The following JAK2 variants were observed in gnomAD, a reference collection of about 807,000 sequenced individuals.
JAK2 encodes the protein Janus kinase 2, also known as tyrosine-protein kinase JAK2.
JAK2 carries 86 observed loss-of-function variants against 139.3 expected under a neutral mutation model. The ratio of observed to expected loss-of-function variants is 0.62; its 90% CI spans 0.52 to 0.74. JAK2 has a LOEUF of 0.74. Among genes scored for constraint, JAK2 ranks in the 30% least tolerant of loss-of-function variants. JAK2 has a pLI of 0.00. For synonymous variants in JAK2, 490 were observed against 437.7 expected (o/e 1.12, Z -1.49); for missense variants, 1,421 against 1,360.3 (o/e 1.04, Z -0.70).
At chr9:5,111,814 G>A (rs1253953017) in intron 22 of JAK2, 2 of 420,774 alleles carry the variant, frequency 4.8e-6, no homozygotes, top group South Asian at 1.8e-5. Context: ...CCACGTAGGC[G>A]GCGTCTCCAG....
intron 10 of JAK2, 88 bp downstream of exon 10, chr9:5,066,877 T>C (rs1368838526): frequency 1.9e-6 from 1 of 515,208 alleles, no homozygotes; most frequent in Non-Finnish European, 3.2e-6. Context: ...TCCTTTTTAA[T>C]ACTGAGAATT....
At chr9:5,057,693 C>T (rs1387658619) in intron 8 of JAK2, among the ~76,000 whole-genome samples, 1 of 151,056 alleles carries the variant, frequency 6.6e-6, no homozygotes, top group Non-Finnish European at 1.5e-5. Context: ...AGCAATTTTC[C>T]TGCCTCAGCC....
intron 8 of JAK2, 59 bp from the exon 9 acceptor site, chr9:5,064,824 T>A (rs1432609771): frequency 2.1e-5 from 28 of 1,305,294 alleles, no homozygotes; most frequent in Non-Finnish European, 6.2e-6. Context: ...AAATTTTCAA[T>A]ATTTAACATG....
intron 2 of JAK2, among the ~76,000 whole-genome samples, chr9:4,995,608 C>G (rs1820514545): frequency 6.6e-6 from 1 of 152,184 alleles, no homozygotes; most frequent in Admixed American, 6.5e-5. Flanking sequence ...AATGGCTCCT[C>G]TGAAACCATA....
chr9:5,099,170 C>G (rs919033057), intron 22 of JAK2: 1 of 152,194 alleles, frequency 6.6e-6, no homozygotes, highest in African/African-American at 2.4e-5. Flanking sequence ...AAAACAGATG[C>G]AATCCCCAGA....
At chr9:5,089,101 C>T (rs1027125486) in intron 19 of JAK2, among the ~76,000 whole-genome samples, 1 of 152,232 alleles carries the variant, frequency 6.6e-6, no homozygotes, top group African/African-American at 2.4e-5. Context: ...AATTAATGCT[C>T]ATCATTTATT....
At chr9:5,083,385 G>C (rs548273859) in intron 19 of JAK2, among the ~76,000 whole-genome samples, 3 of 152,248 alleles carry the variant, frequency 2.0e-5, no homozygotes, top group Admixed American at 6.5e-5. Context: ...AAGCTTGCTA[G>C]GATAAGGTTC....
At chr9:4,992,858 C>G (rs1257921366) in intron 2 of JAK2, among the ~76,000 whole-genome samples, 1 of 152,158 alleles carries the variant, frequency 6.6e-6, no homozygotes, top group Non-Finnish European at 1.5e-5. Context: ...CACATGTTGC[C>G]AGTTCCTTGA....
chr9:5,022,050 G>C lies in JAK2; in HGVS notation c.63G>C (p.Gln21His), dbSNP rs1319914611. The C allele has an allele frequency of 2.5e-6, 4 of 1,613,936 alleles. No individual in the cohort carries two copies. The highest frequency in any genetic ancestry group is 2.2e-5 in the East Asian group (1 of 44,898). The change falls in exon 3 of 25, where the codon CAG becomes CAC. Residue 21 changes from glutamine (Q) to histidine (H), a missense_variant. Physicochemically the swap from Gln to His is conservative, Grantham distance 24. Coordinates refer to ENST00000381652, the MANE Select transcript of JAK2 (RefSeq NM_004972.4). ...MEGTSTSSIY[Q>H]NGDISGNANS... ...GAACATCCACCTCTTCTATATATCA[G>C]AATGGTGATATTTCTGGAAATGCCA...
chr9:5,019,104 A>T (rs537097479), intron 2 of JAK2, among the ~76,000 whole-genome samples: 21 of 152,276 alleles, frequency 1.4e-4, no homozygotes, highest in South Asian at 1.0e-3. Context: ...ATCTCTTGAT[A>T]TACTTGGGTA....
At chr9:5,112,383 G>A (rs767389784) in intron 22 of JAK2, 2 of 425,684 alleles carry the variant, frequency 4.7e-6, no homozygotes, top group Admixed American at 3.2e-5. Flanking sequence ...GGCCACTGGG[G>A]AAATCAAGCG....
rs776119029 is a variant in JAK2 at position 5,105,060 on chromosome 9, G to GCAAT, written c.3059+14152_3059+14155dup. Among the ~76,000 whole-genome samples the GCAAT allele has an allele frequency of 2.0e-4, 31 of 152,290 alleles. 1 individual carries two copies. The East Asian group carries it at 3.9e-3, about 19-fold the overall frequency. Reference sequence around the variant, plus strand: ...CACTGTGTTAGAAGTTCTGGCCAGGGCAATCAGGCAAGAGAAAGAAATAAA... The same window carrying GCAAT: ...CACTGTGTTAGAAGTTCTGGCCAGGGCAATCAATCAGGCAAGAGAAAGAAATAAA... On this transcript the variant is annotated intron_variant, in intron 22 of 24. Transcript: ENST00000381652.
chr9:5,023,592 T>C (rs537698055), intron 3 of JAK2, among the ~76,000 whole-genome samples: 12 of 152,326 alleles, frequency 7.9e-5, no homozygotes, highest in South Asian at 2.1e-4. Context: ...ATGTGGACCA[T>C]TGGGCATCTC....
chr9:5,051,216 ATTAT>A (rs1056897237), intron 6 of JAK2, among the ~76,000 whole-genome samples: 15 of 152,318 alleles, frequency 9.8e-5, no homozygotes, highest in African/African-American at 3.6e-4. Context: ...GTAAGGTGAA[ATTAT>A]TTAAAGAGTT....
chr9:5,045,452 G>A (rs1326513228), intron 5 of JAK2, among the ~76,000 whole-genome samples: 1 of 152,126 alleles, frequency 6.6e-6, no homozygotes, highest in Non-Finnish European at 1.5e-5. Flanking sequence ...CATTTTAAGT[G>A]TACAGTTCAG....
chr9:5,039,572 C>T (rs1384742131), intron 4 of JAK2, among the ~76,000 whole-genome samples: 1 of 152,056 alleles, frequency 6.6e-6, no homozygotes, highest in Non-Finnish European at 1.5e-5. Context: ...ATTACATGAT[C>T]TTGCATATTA....
At chr9:5,112,551 C>G in intron 22 of JAK2, 1 of 609,548 alleles carries the variant, frequency 1.6e-6, no homozygotes, top group Non-Finnish European at 2.9e-6. Flanking sequence ...AGCAGGTGGC[C>G]AATAACGCCA....
intron 12 of JAK2, among the ~76,000 whole-genome samples, chr9:5,070,471 G>A (rs1818883253): frequency 6.6e-6 from 1 of 152,106 alleles, no homozygotes; most frequent in East Asian, 1.9e-4. Flanking sequence ...ACCAAAATCT[G>A]AGGATACTTA....
intron 2 of JAK2, among the ~76,000 whole-genome samples, chr9:5,017,596 C>T (rs991797902): frequency 1.2e-4 from 18 of 151,940 alleles, no homozygotes; most frequent in Admixed American, 3.3e-4. Context: ...ATCTTTCTTC[C>T]TTTTTGATGT....
Sources: allele counts gnomAD v4.1 joint callset (sites outside exome capture counted in the v4.1 genomes callset), GRCh38; gene constraint gnomAD v4.1.1; transcripts MANE v1.5; gene names NCBI Gene and HGNC (gene_info 2026-07-23, HGNC 2026-07-21).